Variants in GRID2 observed in about 807,000 individuals in gnomAD.
The protein encoded by GRID2 is glutamate ionotropic receptor delta type subunit 2.
A neutral mutation model predicts 114.8 loss-of-function variants in GRID2; 33 were observed. The observed-to-expected ratio is 0.29, with a 90% CI of 0.22 to 0.38. The LOEUF (loss-of-function observed/expected upper bound fraction) is 0.38, where lower values mean the gene tolerates loss of function less well. GRID2 is among the 10% of genes least tolerant of loss of function. GRID2 has a pLI of 1.00. For missense variants in GRID2, 1,184 were observed against 1,257.7 expected, an observed-to-expected ratio of 0.94 and a Z score of 0.89; for synonymous variants, 505 against 449.9, an observed-to-expected ratio of 1.12 and a Z score of -1.55.
chr4:92,606,553 T>A (rs565240560), intron 2 of GRID2, among the ~76,000 whole-genome samples: 1 of 152,084 alleles, frequency 6.6e-6, no homozygotes, highest in East Asian at 1.9e-4. Context: ...AATTGATGTA[T>A]CTCTTGATGC....
chr4:92,439,639 A>G lies in GRID2; in HGVS notation c.88+134895A>G, dbSNP rs944671989. Among the ~76,000 whole-genome samples the G allele has an allele frequency of 4.8e-5, 7 of 145,124 alleles. 1 individual carries two copies. Among genetic ancestry groups the G allele is most frequent in the African/African-American group, 7.4e-5 (3 of 40,658 alleles). On this transcript the variant is annotated intron_variant, in intron 1 of 15. Coordinates refer to ENST00000282020, the MANE Select transcript of GRID2 (RefSeq NM_001510.4). ...TAAGAAGAAACATTTGTCGTATAGA[A>G]TGATTGGTGATGGCCTGGATACGGT...
At chr4:93,451,314 T>C (rs896685720) in intron 10 of GRID2, among the ~76,000 whole-genome samples, 1 of 152,120 alleles carries the variant, frequency 6.6e-6, no homozygotes, top group South Asian at 2.1e-4. Flanking sequence ...AACAAATTAT[T>C]GTTCCAATCA....
At chr4:93,448,394 A>G (rs1023196543) in intron 10 of GRID2, among the ~76,000 whole-genome samples, 2 of 151,966 alleles carry the variant, frequency 1.3e-5, no homozygotes, top group Non-Finnish European at 2.9e-5. Flanking sequence ...CAAAATCTAC[A>G]CAATAATAAA....
intron 2 of GRID2, among the ~76,000 whole-genome samples, chr4:93,029,772 G>A (rs921628758): frequency 2.6e-5 from 4 of 151,936 alleles, no homozygotes; most frequent in Admixed American, 6.6e-5. Flanking sequence ...CACAAAAAGC[G>A]AATTATTGGA....
chr4:92,985,255 G>C (rs979693050), intron 2 of GRID2, among the ~76,000 whole-genome samples: 15 of 144,786 alleles, frequency 1.0e-4, no homozygotes, highest in Non-Finnish European at 1.6e-4. Flanking sequence ...ACGGAGTCTC[G>C]CTCTGTCTCC....
chr4:93,003,583 C>T (rs1326359488), intron 2 of GRID2, among the ~76,000 whole-genome samples: 1 of 151,956 alleles, frequency 6.6e-6, no homozygotes, highest in Non-Finnish European at 1.5e-5. Flanking sequence ...CTATTTTGAG[C>T]AATCTTTGAC....
intron 2 of GRID2, among the ~76,000 whole-genome samples, chr4:92,637,472 A>G (rs865970762): frequency 1.3e-5 from 2 of 152,020 alleles, no homozygotes; most frequent in Non-Finnish European, 2.9e-5. Flanking sequence ...TTGGAGTTGT[A>G]TTGTGAATAT....
intron 8 of GRID2, among the ~76,000 whole-genome samples, chr4:93,240,441 TA>T (rs1407841189): frequency 6.6e-6 from 1 of 151,454 alleles, no homozygotes; most frequent in Non-Finnish European, 1.5e-5. Flanking sequence ...AATTGCTCAT[TA>T]TTTTTTTTTT....
Position 93,060,581 on chromosome 4 carries a change from C to T in GRID2, c.245-24414C>T, listed in dbSNP as rs114637094. On this transcript the variant is annotated intron_variant, in intron 2 of 15. Coordinates refer to ENST00000282020, the MANE Select transcript of GRID2 (RefSeq NM_001510.4). Reference sequence around the variant, plus strand: ...GATGATAATTGTAATTTCACGGGGCCATAAGTGCTCATAGAAATAGCCAAA... The same window carrying T: ...GATGATAATTGTAATTTCACGGGGCTATAAGTGCTCATAGAAATAGCCAAA... Among the ~76,000 whole-genome samples the T allele has an allele frequency of 4.9e-3, 750 of 152,132 alleles. 13 individuals are homozygous for T. The highest frequency in any genetic ancestry group is 0.017 in the African/African-American group (721 of 41,524).
chr4:93,014,797 A>G (rs1722520290), intron 2 of GRID2, among the ~76,000 whole-genome samples: 1 of 152,152 alleles, frequency 6.6e-6, no homozygotes, highest in Non-Finnish European at 1.5e-5. Flanking sequence ...ACGTGCATTA[A>G]TAGTGTCTAC....
intron 8 of GRID2, among the ~76,000 whole-genome samples, chr4:93,372,373 A>T (rs2870701): frequency 0.69 from 105,028 of 151,412 alleles, 37,419 homozygotes; most frequent in African/African-American, 0.87. Flanking sequence ...TTATAGTAAG[A>T]ACACTTTTAT....
intron 1 of GRID2, among the ~76,000 whole-genome samples, chr4:92,310,509 A>G (rs1438572238): frequency 6.6e-6 from 1 of 152,018 alleles, no homozygotes; most frequent in African/African-American, 2.4e-5. Context: ...TAGAACATCT[A>G]TGGATTCATG....
intron 2 of GRID2, among the ~76,000 whole-genome samples, chr4:93,015,612 T>C (rs1052667463): frequency 1.3e-5 from 2 of 152,148 alleles, no homozygotes; most frequent in African/African-American, 4.8e-5. Context: ...TATATGCTAT[T>C]AATCCTCACA....
At chr4:92,814,757 A>C (rs544207869) in intron 2 of GRID2, among the ~76,000 whole-genome samples, 1 of 152,278 alleles carries the variant, frequency 6.6e-6, no homozygotes, top group Non-Finnish European at 1.5e-5. Context: ...TGCCATCCAC[A>C]GGAAGTGCTG....
intron 8 of GRID2, among the ~76,000 whole-genome samples, chr4:93,332,097 T>G (rs1012990770): frequency 2.0e-5 from 3 of 152,026 alleles, no homozygotes; most frequent in African/African-American, 7.2e-5. Flanking sequence ...GAACACAGAA[T>G]GTATTGCCAA....
intron 2 of GRID2, among the ~76,000 whole-genome samples, chr4:92,853,214 T>G (rs1453304038): frequency 6.6e-6 from 1 of 151,970 alleles, no homozygotes; most frequent in Non-Finnish European, 1.5e-5. Flanking sequence ...ATCAGAAGGA[T>G]TAAATGATAT....
chr4:92,565,010 T>C (rs2149185938), intron 1 of GRID2, among the ~76,000 whole-genome samples: 1 of 152,096 alleles, frequency 6.6e-6, no homozygotes, highest in Non-Finnish European at 1.5e-5. Flanking sequence ...TTAGCTTCTG[T>C]ACCTGGATCT....
At chr4:93,470,813 A>C (rs558480500) in intron 11 of GRID2, among the ~76,000 whole-genome samples, 70 of 152,130 alleles carry the variant, frequency 4.6e-4, no homozygotes, top group Non-Finnish European at 8.2e-4. Context: ...ATATATTCTT[A>C]TCAATTTATT....
intron 10 of GRID2, among the ~76,000 whole-genome samples, chr4:93,451,741 T>C (rs930438332): frequency 2.6e-5 from 4 of 151,934 alleles, no homozygotes; most frequent in African/African-American, 9.7e-5. Context: ...AGTAAAGAAA[T>C]GAATGGATAT....
Sources: gnomAD v4.1 joint callset for allele counts (sites outside exome capture counted in the v4.1 genomes callset) on GRCh38, gnomAD v4.1.1 for gene constraint, MANE v1.5 for transcripts, NCBI Gene and HGNC (gene_info 2026-07-23, HGNC 2026-07-21) for gene names.